KATNA1: variants seen among roughly 807,000 people sequenced by gnomAD.
The protein encoded by KATNA1 is katanin p60 ATPase-containing subunit A1.
KATNA1 carries 42 observed loss-of-function variants against 62.6 expected under a neutral mutation model. That is an observed-to-expected ratio of 0.67 (90% CI 0.52 to 0.87). The LOEUF is 0.87. KATNA1 is among the 40% of genes least tolerant of loss of function. The pLI, the probability that KATNA1 is intolerant of heterozygous loss-of-function variation, is 0.00. For synonymous variants in KATNA1, 186 were observed against 201.9 expected (o/e 0.92, Z 0.67); for missense variants, 498 against 612.5 (o/e 0.81, Z 1.97).
intron 3 of KATNA1, among the ~76,000 whole-genome samples, chr6:149,628,088 T>C (rs1248683278): frequency 1.3e-5 from 2 of 151,660 alleles, no homozygotes; most frequent in Admixed American, 6.6e-5. Context: ...AAGGCTTTAA[T>C]GAACCTCCTT....
intron 4 of KATNA1, among the ~76,000 whole-genome samples, chr6:149,618,140 C>CA (rs1779250925): frequency 7.9e-6 from 1 of 127,138 alleles, no homozygotes; most frequent in Non-Finnish European, 1.6e-5. Flanking sequence ...GGTGACAGAG[C>CA]AAGACTCCAT....
At chr6:149,644,805 C>G (rs1780417465) in intron 1 of KATNA1, among the ~76,000 whole-genome samples, 1 of 152,030 alleles carries the variant, frequency 6.6e-6, no homozygotes, top group Non-Finnish European at 1.5e-5. Flanking sequence ...TCTTTAGAAG[C>G]CAATGAATTG....
chr6:149,620,699 A>C (rs913768863), intron 4 of KATNA1, among the ~76,000 whole-genome samples: 10 of 152,210 alleles, frequency 6.6e-5, no homozygotes, highest in African/African-American at 2.4e-4. Context: ...GAGGTGATGG[A>C]TATGTTAATT....
intron 3 of KATNA1, among the ~76,000 whole-genome samples, chr6:149,625,171 T>A (rs913444561): frequency 4.6e-5 from 7 of 152,034 alleles, no homozygotes; most frequent in African/African-American, 1.7e-4. Context: ...CCAACAAGGA[T>A]CCACTGAAAA....
intron 1 of KATNA1, among the ~76,000 whole-genome samples, chr6:149,644,695 T>C (rs1028378656): frequency 6.6e-6 from 1 of 152,198 alleles, no homozygotes; most frequent in Non-Finnish European, 1.5e-5. Context: ...TCCTCGTTTT[T>C]TTCTTGAGGG....
intron 10 of KATNA1, among the ~76,000 whole-genome samples, chr6:149,596,096 A>G: frequency 6.6e-6 from 1 of 152,208 alleles, no homozygotes; most frequent in Non-Finnish European, 1.5e-5. Context: ...CTGATTTTCT[A>G]TTTTACACAA....
chr6:149,598,150 T>C (rs1352576315), intron 8 of KATNA1, 74 bp downstream of exon 8: 17 of 1,540,658 alleles, frequency 1.1e-5, no homozygotes, highest in African/African-American at 2.7e-5. Flanking sequence ...TGAGTAAAGT[T>C]TGACCCACTG....
At chr6:149,637,593 A>G (rs1780116031) in intron 2 of KATNA1, among the ~76,000 whole-genome samples, 1 of 152,072 alleles carries the variant, frequency 6.6e-6, no homozygotes, top group Non-Finnish European at 1.5e-5. Flanking sequence ...TTGGGAGGTC[A>G]AGGTGGGCAG....
intron 4 of KATNA1, among the ~76,000 whole-genome samples, chr6:149,607,976 G>A (rs530258018): frequency 6.6e-6 from 1 of 152,298 alleles, no homozygotes; most frequent in East Asian, 1.9e-4. Context: ...TGAGGCAGGA[G>A]AATCGCTTGA....
At chr6:149,596,793 G>A (rs184331120) in intron 10 of KATNA1, among the ~76,000 whole-genome samples, 101 of 152,052 alleles carry the variant, frequency 6.6e-4, no homozygotes, top group African/African-American at 2.4e-3. Context: ...AAACTCCTGG[G>A]CTCAAGTGAT....
intron 1 of KATNA1, among the ~76,000 whole-genome samples, chr6:149,639,797 C>G (rs925864224): frequency 6.6e-6 from 1 of 152,236 alleles, no homozygotes; most frequent in East Asian, 1.9e-4. Context: ...TCCCAAGACA[C>G]TTGTCTACTT....
chr6:149,623,433 T>G (rs905401728), intron 3 of KATNA1, 150 bp from the exon 4 acceptor site: 1 of 555,612 alleles, frequency 1.8e-6, no homozygotes, highest in Non-Finnish European at 2.9e-6. Flanking sequence ...TGTTGAAACC[T>G]AAGATCTAAA....
intron 2 of KATNA1, among the ~76,000 whole-genome samples, chr6:149,633,820 G>A (rs1167546597): frequency 6.6e-6 from 1 of 151,980 alleles, no homozygotes; most frequent in Non-Finnish European, 1.5e-5. Context: ...GCCGGGTGTG[G>A]TGGCACATGC....
At chr6:149,641,486 T>G (rs1209085431) in intron 1 of KATNA1, among the ~76,000 whole-genome samples, 3 of 150,334 alleles carry the variant, frequency 2.0e-5, no homozygotes, top group Admixed American at 6.6e-5. Flanking sequence ...TGCCTTGGGG[T>G]TTTTTTTTAA....
chr6:149,632,372 T>TAAAAA, intron 3 of KATNA1, among the ~76,000 whole-genome samples: 1 of 133,590 alleles, frequency 7.5e-6, no homozygotes, highest in Admixed American at 7.5e-5. Context: ...AGACTCTGTC[T>TAAAAA]AAAAAAAAAA....
intron 7 of KATNA1, among the ~76,000 whole-genome samples, chr6:149,598,871 A>AT (rs754387143): frequency 1.1e-4 from 17 of 151,108 alleles, no homozygotes; most frequent in East Asian, 3.9e-4. Context: ...TTATTTATTT[A>AT]TTTTTTTTTA....
chr6:149,595,222 C>A lies in KATNA1; in HGVS notation c.1290G>T (p.Leu430Phe), dbSNP rs200653967. The A allele has an allele frequency of 6.2e-7, 1 of 1,613,658 alleles. No individual in the cohort carries two copies. Among genetic ancestry groups the A allele is most frequent in the Non-Finnish European group, 8.5e-7 (1 of 1,179,716 alleles). ...CTTCAATGCGCCTTCTCATTGCCAT[C>A]AAGGACGCATCCCTAGGTTTTAAGT... ...DITNVCRDAS[L>F]MAMRRRIEGL... The change falls in exon 11 of 11, where the codon TTG becomes TTT. Residue 430 changes from leucine (L) to phenylalanine (F), a missense_variant. Around this residue, in one of 3 missense-constraint regions of KATNA1, gnomAD observed 267 missense variants for 372.6 expected, o/e 0.72. Coordinates refer to ENST00000367411, the MANE Select transcript of KATNA1 (RefSeq NM_007044.4).
chr6:149,639,516 T>C (rs1265771259), intron 1 of KATNA1, among the ~76,000 whole-genome samples: 1 of 151,946 alleles, frequency 6.6e-6, no homozygotes, highest in Non-Finnish European at 1.5e-5. Context: ...GGAGAATCAC[T>C]TGAACCAGGG....
chr6:149,605,143 A>G (rs1323016886), intron 4 of KATNA1, among the ~76,000 whole-genome samples: 1 of 151,912 alleles, frequency 6.6e-6, no homozygotes, highest in African/African-American at 2.4e-5. Context: ...ACTGCACTCC[A>G]GCCTGGGTGA....
Sources: gnomAD v4.1 joint callset for allele counts (sites outside exome capture counted in the v4.1 genomes callset) on GRCh38, gnomAD v4.1.1 for gene constraint, gnomAD v4.1.1 regional missense constraint, MANE v1.5 for transcripts, NCBI Gene and HGNC (gene_info 2026-07-23, HGNC 2026-07-21) for gene names.